PAPPA: variants seen among roughly 807,000 people sequenced by gnomAD.
The protein encoded by PAPPA is pappalysin 1.
Under a neutral mutation model 164.0 loss-of-function variants are expected in PAPPA, and 60 were observed. That is an observed-to-expected ratio of 0.37 (90% CI 0.30 to 0.45). The LOEUF is 0.45. PAPPA is among the 20% of genes least tolerant of loss of function. The pLI is 1.00. For synonymous variants in PAPPA, 875 were observed against 814.1 expected, an observed-to-expected ratio of 1.07 and a Z score of -1.27; for missense variants, 1,782 against 2,087.3, an observed-to-expected ratio of 0.85 and a Z score of 2.85.
intron 1 of PAPPA, among the ~76,000 whole-genome samples, chr9:116,179,236 T>C (rs1374738273): frequency 1.3e-5 from 2 of 152,298 alleles, no homozygotes; most frequent in East Asian, 3.9e-4. Flanking sequence ...CAGACCCATT[T>C]AGTGAGGGTG....
intron 5 of PAPPA, among the ~76,000 whole-genome samples, chr9:116,224,090 C>T (rs1166002184): frequency 2.0e-5 from 3 of 152,188 alleles, no homozygotes; most frequent in African/African-American, 7.2e-5. Flanking sequence ...GCCAACCTCT[C>T]GCCCCTGGCC....
rs1167827948 is a variant in PAPPA, at chr9:116,398,625, G to A, written c.*2009G>A. ...CAATTACACTAAGAAACATATCAAGGTGCTTTTGGCACAGGTGCCCACAAA... is the reference window on the plus strand; with the variant it reads ...CAATTACACTAAGAAACATATCAAGATGCTTTTGGCACAGGTGCCCACAAA... On this transcript the variant is annotated 3_prime_UTR_variant, in exon 22 of 22. Coordinates refer to ENST00000328252, the MANE Select transcript of PAPPA (RefSeq NM_002581.5). The A allele has an allele frequency of 1.0e-6, 1 of 1,003,056 alleles. No homozygotes were observed. Among genetic ancestry groups the A allele is most frequent in the Non-Finnish European group, 1.4e-6 (1 of 727,004 alleles). 62.1% of individuals were successfully genotyped at this position (1,003,056 alleles called of 1,614,324 possible).
chr9:116,158,885 AG>A (rs1454630140), intron 1 of PAPPA, among the ~76,000 whole-genome samples: 1 of 152,230 alleles, frequency 6.6e-6, no homozygotes, highest in Non-Finnish European at 1.5e-5. Context: ...ACAGGTTCTC[AG>A]TGGAGAGAGC....
At chr9:116,233,957 G>C (rs1212637827) in intron 6 of PAPPA, among the ~76,000 whole-genome samples, 1 of 151,942 alleles carries the variant, frequency 6.6e-6, no homozygotes, top group East Asian at 1.9e-4. Context: ...AGGAGGCTGA[G>C]GCAGGGGAAT....
chr9:116,274,668 G>A (rs1446748820), intron 9 of PAPPA, among the ~76,000 whole-genome samples: 1 of 152,162 alleles, frequency 6.6e-6, no homozygotes, highest in African/African-American at 2.4e-5. Flanking sequence ...GGAAGATATT[G>A]ACCAATATTT....
At chr9:116,209,945 C>T (rs1171207733) in intron 3 of PAPPA, among the ~76,000 whole-genome samples, 1 of 152,148 alleles carries the variant, frequency 6.6e-6, no homozygotes, top group East Asian at 1.9e-4. Context: ...CTCTCCCCAT[C>T]CCAAGAGATG....
At chr9:116,212,065 CTA>C (rs1844314849) in intron 4 of PAPPA, 133 bp downstream of exon 4, 4 of 748,892 alleles carry the variant, frequency 5.3e-6, no homozygotes, top group Middle Eastern at 3.9e-4. Context: ...ACTTATCCAC[CTA>C]ATGTCTTTCG....
Position 116,187,440 on chromosome 9 carries a change from G to A in PAPPA, c.702G>A (p.Lys234=), listed in dbSNP as rs780345259. The change falls in exon 2 of 22, where the codon AAG becomes AAA. Residue 234 remains lysine, a synonymous_variant. Transcript: ENST00000328252. The surrounding 1 kb of genome is among the most constrained non-coding windows in gnomAD (Gnocchi z 4.2). ...GCATATTCAGCCCACTGACCCAGAA[G>A]TGCAAAGTGCTCATGTTAGGGGGCA... is the stretch of plus-strand genomic sequence containing the variant. ...VGGIFSPLTQ[K]CKVLMLGGSA... The A allele has an allele frequency of 1.2e-5, 19 of 1,614,088 alleles. No individual in the cohort carries two copies. Among genetic ancestry groups the A allele is most frequent in the Admixed American group, 1.7e-5 (1 of 60,016 alleles).
chr9:116,366,396 A>AC (rs1846500623), intron 18 of PAPPA, among the ~76,000 whole-genome samples: 2 of 152,026 alleles, frequency 1.3e-5, no homozygotes, highest in Non-Finnish European at 2.9e-5. Flanking sequence ...TTAGTCATTT[A>AC]CCCCTTCTTT....
chr9:116,244,923 T>C (rs956312658), intron 7 of PAPPA, among the ~76,000 whole-genome samples: 6 of 152,092 alleles, frequency 3.9e-5, no homozygotes, highest in Non-Finnish European at 7.3e-5. Context: ...CATCCATCAA[T>C]GGATGATGGG....
intron 9 of PAPPA, among the ~76,000 whole-genome samples, chr9:116,272,013 G>C (rs1484505407): frequency 6.6e-6 from 1 of 152,188 alleles, no homozygotes; most frequent in African/African-American, 2.4e-5. Context: ...AGACCAGCCT[G>C]TGTTTAGAAA....
intron 19 of PAPPA, 50 bp from the exon 20 acceptor site, chr9:116,377,526 G>T: frequency 2.3e-6 from 3 of 1,322,640 alleles, no homozygotes; most frequent in Non-Finnish European, 2.2e-6. Context: ...ACGGAGGTGG[G>T]TCCCTCCCAA....
chr9:116,281,648 C>T (rs1845268806), intron 9 of PAPPA, among the ~76,000 whole-genome samples: 1 of 152,176 alleles, frequency 6.6e-6, no homozygotes, highest in African/African-American at 2.4e-5. Context: ...TCATTTCAAA[C>T]CCACAGCACC....
In PAPPA at chr9:116,235,600, G is replaced by A. The variant is rs755336736; in HGVS notation, c.2695G>A (p.Ala899Thr). The A allele has an allele frequency of 2.5e-6, 4 of 1,613,180 alleles. No homozygotes were observed. Among genetic ancestry groups the A allele is most frequent in the African/African-American group, 1.3e-5 (1 of 74,882 alleles). ...VRDPPLQMDVASILHLNRKFV... is the reference protein window; with the variant it reads ...VRDPPLQMDVTSILHLNRKFV... Reference sequence around the variant, plus strand: ...GGACCCTCCTCTCCAGATGGATGTGGCCTCCATCCTACATCTCAATAGGAA... The same window carrying A: ...GGACCCTCCTCTCCAGATGGATGTGACCTCCATCCTACATCTCAATAGGAA... The change falls in exon 7 of 22, where the codon GCC (alanine) becomes ACC (threonine). Residue 899 changes from alanine to threonine, a missense_variant. Ala to Thr is a moderately conservative substitution (Grantham distance 58, BLOSUM62 0). Transcript: ENST00000328252.
chr9:116,242,121 T>A (rs995374555), intron 7 of PAPPA, among the ~76,000 whole-genome samples: 12 of 152,034 alleles, frequency 7.9e-5, no homozygotes, highest in Non-Finnish European at 1.8e-4. Flanking sequence ...TGGTTCTAAA[T>A]GAAAAATATT....
At chr9:116,390,626 C>T (rs1177766709) in intron 21 of PAPPA, among the ~76,000 whole-genome samples, 2 of 152,056 alleles carry the variant, frequency 1.3e-5, no homozygotes, top group Non-Finnish European at 2.9e-5. Context: ...GATGGCTAAG[C>T]ACACTAGACT....
chr9:116,365,325 G>C, intron 18 of PAPPA, among the ~76,000 whole-genome samples: 1 of 152,084 alleles, frequency 6.6e-6, no homozygotes, highest in East Asian at 1.9e-4. Flanking sequence ...CTGCCACCAG[G>C]GCTGCCACCC....
chr9:116,204,122 G>A (rs1844203753), intron 2 of PAPPA, among the ~76,000 whole-genome samples: 1 of 152,160 alleles, frequency 6.6e-6, no homozygotes, highest in Admixed American at 6.5e-5. Context: ...ACTGTGCTGA[G>A]CTGTCTTATT....
chr9:116,192,608 G>A (rs1844056118), intron 2 of PAPPA, among the ~76,000 whole-genome samples: 1 of 152,154 alleles, frequency 6.6e-6, no homozygotes, highest in Admixed American at 6.6e-5. Context: ...GCAATCACTG[G>A]TGTGAATGAA....
Sources: gnomAD v4.1 joint callset for allele counts (sites outside exome capture counted in the v4.1 genomes callset) on GRCh38, gnomAD v4.1.1 for gene constraint, Gnocchi (gnomAD v3.1) non-coding constraint, MANE v1.5 for transcripts, NCBI Gene and HGNC (gene_info 2026-07-23, HGNC 2026-07-21) for gene names.